The following PTGR1 variants were observed in gnomAD, a reference collection of about 807,000 sequenced individuals.
PTGR1 encodes 15-oxoprostaglandin 13-reductase.
PTGR1 carries 23 observed loss-of-function variants against 37.7 expected under a neutral mutation model. The ratio of observed to expected loss-of-function variants is 0.61; its 90% CI spans 0.44 to 0.86. The LOEUF is 0.86. Among genes scored for constraint, PTGR1 ranks in the 40% least tolerant of loss-of-function variants. The pLI is 0.00. For synonymous variants in PTGR1, 134 were observed against 140.0 expected (o/e 0.96, Z 0.30); for missense variants, 351 against 394.3 (o/e 0.89, Z 0.93).
intron 9 of PTGR1, chr9:111,549,824 G>T: frequency 7.0e-7 from 1 of 1,421,456 alleles, no homozygotes; most frequent in Non-Finnish European, 9.7e-7. Context: ...AGAACATTTA[G>T]CTCTTTGAGC....
chr9:111,591,369 TC>T (rs1315039369), intron 4 of PTGR1, among the ~76,000 whole-genome samples: 1 of 147,576 alleles, frequency 6.8e-6, no homozygotes, highest in African/African-American at 2.5e-5. Context: ...TTTTTCTTTT[TC>T]TTTTTTTTTT....
At chr9:111,559,442 G>A (rs1828212509), downstream of PTGR1, among the ~76,000 whole-genome samples, 1 of 151,962 alleles carries the variant, frequency 6.6e-6, no homozygotes, top group South Asian at 2.1e-4. Flanking sequence ...CCACACGGAT[G>A]ACTTCACTGT....
chr9:111,562,268 G>A (rs1404289616), downstream of PTGR1, among the ~76,000 whole-genome samples: 1 of 147,762 alleles, frequency 6.8e-6, no homozygotes, highest in Admixed American at 6.8e-5. Flanking sequence ...GGTCACAGAA[G>A]CAGTAAACTT....
intron 6 of PTGR1, among the ~76,000 whole-genome samples, chr9:111,583,211 A>T (rs1243023365): frequency 6.6e-6 from 1 of 152,280 alleles, no homozygotes; most frequent in Admixed American, 6.5e-5. Context: ...TCAGTAAAAA[A>T]TATGAAAATG....
intron 7 of PTGR1, chr9:111,576,496 C>T (rs1829061089): frequency 6.3e-7 from 1 of 1,584,466 alleles, no homozygotes; most frequent in African/African-American, 1.3e-5. Flanking sequence ...TCAAGAGGCT[C>T]TGGTTCGGGG....
intron 9 of PTGR1, chr9:111,563,674 T>C (rs1267603343): frequency 6.5e-6 from 1 of 154,694 alleles, no homozygotes; most frequent in African/African-American, 2.4e-5. Flanking sequence ...CCCGGCTAAT[T>C]GTTTTGTATT....
At chr9:111,588,676 C>T (rs1380752813) in intron 4 of PTGR1, among the ~76,000 whole-genome samples, 1 of 152,130 alleles carries the variant, frequency 6.6e-6, no homozygotes, top group African/African-American at 2.4e-5. Context: ...CAGGCGCCCA[C>T]CACCACGCCT....
downstream of PTGR1, among the ~76,000 whole-genome samples, chr9:111,558,354 ATTC>A (rs748986932): frequency 3.0e-4 from 46 of 152,144 alleles, no homozygotes; most frequent in Non-Finnish European, 5.4e-4. Context: ...TGACTTCATT[ATTC>A]TTTGAGCACT....
chr9:111,552,339 A>G (rs868414347), intron 9 of PTGR1, among the ~76,000 whole-genome samples: 1 of 152,156 alleles, frequency 6.6e-6, no homozygotes, highest in South Asian at 2.1e-4. Flanking sequence ...TTTTGTGCAT[A>G]TGTACTGAAG....
Position 111,563,006 on chromosome 9 carries a change from C to A in PTGR1, c.*115G>T. 1 of 1,453,124 alleles carries A rather than the reference C, an allele frequency of 6.9e-7. No homozygotes were observed. Among genetic ancestry groups the A allele is most frequent in the South Asian group, 1.5e-5 (1 of 66,398 alleles). 90.0% of individuals were successfully genotyped at this position (1,453,124 alleles called of 1,614,324 possible). ...AATGTATTTTATTAAGTAGCTCAAA[C>A]TCATTATGAGTACTATTTCTTAAGA... On this transcript the variant is annotated 3_prime_UTR_variant, in exon 10 of 10. Coordinates refer to ENST00000407693, the MANE Select transcript of PTGR1 (RefSeq NM_001146108.2).
chr9:111,558,427 C>A (rs1341173518), downstream of PTGR1, among the ~76,000 whole-genome samples: 1 of 152,118 alleles, frequency 6.6e-6, no homozygotes, highest in African/African-American at 2.4e-5. Flanking sequence ...CCTGTTGTCT[C>A]AGCTAGTTGG....
intron 4 of PTGR1, among the ~76,000 whole-genome samples, chr9:111,588,645 C>T (rs1358904865): frequency 6.6e-6 from 1 of 152,080 alleles, no homozygotes; most frequent in Non-Finnish European, 1.5e-5. Context: ...CGTCCCTTGG[C>T]CCCCTGAATA....
intron 9 of PTGR1, among the ~76,000 whole-genome samples, chr9:111,555,662 C>T (rs955160596): frequency 2.6e-5 from 4 of 151,992 alleles, no homozygotes; most frequent in Non-Finnish European, 4.4e-5. Flanking sequence ...CACATGGCAG[C>T]AGGGGAGAGC....
chr9:111,573,584 G>A (rs10122818), intron 8 of PTGR1, among the ~76,000 whole-genome samples: 1 of 150,978 alleles, frequency 6.6e-6, no homozygotes, highest in Non-Finnish European at 1.5e-5. Context: ...TCCTTTTTTG[G>A]GGGGGGACCA....
At position 111,593,212 on chromosome 9, in the gene PTGR1, C is replaced by T. The variant is rs1829676606; in HGVS notation, c.153-230G>A. On this transcript the variant is annotated intron_variant, in intron 3 of 9. Coordinates refer to ENST00000407693, the MANE Select transcript of PTGR1 (RefSeq NM_001146108.2). ...TGCTCTGTGACCTCAGATAAGCACT[C>T]TGATTGGATTTTTTTATGAGTGAAC... Among the ~76,000 whole-genome samples, 4 of 152,130 alleles carry T rather than the reference C, an allele frequency of 2.6e-5. No individual in the cohort carries two copies. The South Asian group carries it at 8.3e-4, about 32-fold the overall frequency.
chr9:111,567,337 G>A (rs905353296), intron 9 of PTGR1, among the ~76,000 whole-genome samples: 5 of 152,088 alleles, frequency 3.3e-5, no homozygotes, highest in Non-Finnish European at 5.9e-5. Flanking sequence ...ATAGGTGCAC[G>A]CCACCATGCC....
At chr9:111,557,421 G>A (rs1343415315) in intron 9 of PTGR1, among the ~76,000 whole-genome samples, 5 of 146,188 alleles carry the variant, frequency 3.4e-5, no homozygotes, top group Admixed American at 6.9e-5. Context: ...GTACCATGCC[G>A]TTGAACAGGA....
At chr9:111,576,218 C>A in intron 7 of PTGR1, 1 of 722,606 alleles carries the variant, frequency 1.4e-6, no homozygotes, top group Non-Finnish European at 2.2e-6. Context: ...AAAGGCAATT[C>A]ACTGAATAGG....
chr9:111,558,180 A>C (rs1365694607), downstream of PTGR1, among the ~76,000 whole-genome samples: 1 of 152,128 alleles, frequency 6.6e-6, no homozygotes, highest in Admixed American at 6.6e-5. Context: ...TCCATTCCTC[A>C]TCAAGTTTTC....
Sources: allele counts gnomAD v4.1 joint callset (sites outside exome capture counted in the v4.1 genomes callset), GRCh38; gene constraint gnomAD v4.1.1; transcripts MANE v1.5; gene names NCBI Gene and HGNC (gene_info 2026-07-23, HGNC 2026-07-21).